The following ERCC6L2 variants were observed in gnomAD, a reference collection of about 807,000 sequenced individuals.
ERCC6L2 encodes the protein ERCC excision repair 6 like 2, also known as DNA excision repair protein ERCC-6-like 2.
In ERCC6L2, 77 loss-of-function variants were observed where a neutral mutation model predicts 132.0. That is an observed-to-expected ratio of 0.58 (90% CI 0.49 to 0.71). ERCC6L2 has a LOEUF of 0.71. ERCC6L2 is among the 30% of genes least tolerant of loss of function. The pLI is 0.00. For synonymous variants in ERCC6L2, 583 were observed against 632.4 expected (o/e 0.92, Z 1.17); for missense variants, 1,542 against 1,837.6 (o/e 0.84, Z 2.94).
intron 17 of ERCC6L2, among the ~76,000 whole-genome samples, chr9:95,998,502 C>T (rs746152905): frequency 6.6e-6 from 1 of 152,176 alleles, no homozygotes; most frequent in Non-Finnish European, 1.5e-5. Context: ...TCTGGATAGG[C>T]CCAATCTAAT....
In ERCC6L2 at chr9:95,978,208, G is replaced by T; in HGVS notation, c.3485G>T (p.Ser1162Ile). 1 of 1,363,126 alleles carries T rather than the reference G, an allele frequency of 7.3e-7. No individual in the cohort carries two copies. Among genetic ancestry groups the T allele is most frequent in the South Asian group, 1.1e-5 (1 of 87,330 alleles). The allele number at this position is 1,363,126 out of a possible 1,614,324, so 84.4% of individuals were successfully genotyped here. Residue 1162 changes from serine to isoleucine, a missense_variant, in exon 17 of 19, where the codon AGT becomes ATT. Ser to Ile is a moderately radical substitution (Grantham distance 142, BLOSUM62 -2). Around this residue, in one of 4 missense-constraint regions of ERCC6L2, gnomAD observed 442 missense variants for 583.4 expected, o/e 0.76. Transcript: ENST00000653738. ...CTGCCTGCTAACATAGCTGTTTGCAGTTCTAAGGTAAGAAAAATATAGGGT... is the reference window on the plus strand; with the variant it reads ...CTGCCTGCTAACATAGCTGTTTGCATTTCTAAGGTAAGAAAAATATAGGGT... Reference protein sequence around the residue: ...SQLPANIAVCSSKTYKEKVDA... With the variant: ...SQLPANIAVCISKTYKEKVDA...
At chr9:95,959,952 A>G (rs1280565030) in intron 13 of ERCC6L2, among the ~76,000 whole-genome samples, 1 of 152,076 alleles carries the variant, frequency 6.6e-6, no homozygotes, top group Non-Finnish European at 1.5e-5. Context: ...AGCAGATACT[A>G]AAAAAGAAGG....
Position 96,012,883 on chromosome 9 carries a change from C to G in ERCC6L2, c.4333C>G (p.Leu1445Val). ...AAGCTTACTTGGTGATACCTCTATT[C>G]TTGATGACCTTTTTAAAAGTCATGG... Reference protein sequence around the residue: ...VISLLGDTSILDDLFKSHGNS... With the variant: ...VISLLGDTSIVDDLFKSHGNS... Residue 1445 changes from leucine to valine, a missense_variant, in exon 19 of 19, where the codon CTT becomes GTT. Leu to Val is a conservative substitution (Grantham distance 32). Around this residue, in one of 4 missense-constraint regions of ERCC6L2, gnomAD observed 442 missense variants for 583.4 expected, o/e 0.76. Coordinates refer to ENST00000653738, the MANE Select transcript of ERCC6L2 (RefSeq NM_020207.7). The G allele has an allele frequency of 7.3e-7, 1 of 1,367,656 alleles. No individual in the cohort carries two copies. The highest frequency in any genetic ancestry group is 9.8e-7 in the Non-Finnish European group (1 of 1,021,852). 84.7% of individuals were successfully genotyped at this position (1,367,656 alleles called of 1,614,324 possible). A position where few individuals can be genotyped will look rare whatever the true frequency, so the allele number is the denominator to read the frequency against.
intron 9 of ERCC6L2, among the ~76,000 whole-genome samples, chr9:95,927,774 T>A (rs1010413270): frequency 1.3e-5 from 2 of 152,192 alleles, no homozygotes; most frequent in African/African-American, 4.8e-5. Context: ...TTTTGGAAAT[T>A]AAATTAATCC....
chr9:95,952,985 G>T (rs571646601), intron 12 of ERCC6L2, among the ~76,000 whole-genome samples: 27 of 152,236 alleles, frequency 1.8e-4, no homozygotes, highest in South Asian at 1.0e-3. Context: ...GCCAGAAAAG[G>T]ACAAAGATTG....
chr9:95,928,612 A>T lies in ERCC6L2; in HGVS notation c.1606-107A>T, dbSNP rs1040123451. On this transcript the variant is annotated intron_variant, in intron 10 of 18. Transcript: ENST00000653738. Reference sequence around the variant, plus strand: ...TATTGTTCTTGGAATTATAAGAAAGAAATTATGAACACCAATAATTAATAC... The same window carrying T: ...TATTGTTCTTGGAATTATAAGAAAGTAATTATGAACACCAATAATTAATAC... 4.0e-6 allele frequency: 4 copies of T among 1,012,172 alleles called. No homozygotes were observed. The African/African-American group carries it at 6.7e-5, about 17-fold the overall frequency. 62.7% of individuals were successfully genotyped at this position (1,012,172 alleles called of 1,614,324 possible).
In ERCC6L2 at chr9:95,972,342, A is replaced by C. The variant is rs1337767665; in HGVS notation, c.2591A>C (p.Tyr864Ser). Residue 864 changes from tyrosine to serine, a missense_variant, in exon 16 of 19, where the codon TAT (tyrosine) becomes TCT (serine). Tyr to Ser is a moderately radical substitution (Grantham distance 144). Around this residue, in one of 4 missense-constraint regions of ERCC6L2, gnomAD observed 945 missense variants for 1,105.2 expected, o/e 0.86. Coordinates refer to ENST00000653738, the MANE Select transcript of ERCC6L2 (RefSeq NM_020207.7). ...AATCCAAAAGAAAAGCATATTTTTT[A>C]TAAAAGTGAGAAGATTTTAGAACAG... is the stretch of plus-strand genomic sequence containing the variant. ...ILNPKEKHIF[Y>S]KSEKILEQNI... 2 of 1,287,878 alleles carry C rather than the reference A, an allele frequency of 1.6e-6. No individual in the cohort carries two copies. The highest frequency in any genetic ancestry group is 2.5e-5 in the Admixed American group (1 of 40,546). The allele number at this position is 1,287,878 out of a possible 1,614,324, so 79.8% of individuals were successfully genotyped here.
At chr9:95,899,957 A>T (rs1406766048) in intron 3 of ERCC6L2, among the ~76,000 whole-genome samples, 1 of 152,218 alleles carries the variant, frequency 6.6e-6, no homozygotes, top group African/African-American at 2.4e-5. Context: ...GAATCCACTG[A>T]TATGAAACCC....
intron 18 of ERCC6L2, among the ~76,000 whole-genome samples, chr9:96,005,789 A>G (rs1833844539): frequency 6.6e-6 from 1 of 152,162 alleles, no homozygotes; most frequent in Non-Finnish European, 1.5e-5. Flanking sequence ...TTTTTAAAAG[A>G]TGGTTCCAGC....
At chr9:95,881,315 G>A (rs1564190230) in intron 2 of ERCC6L2, 22 bp downstream of exon 2, 2 of 1,519,938 alleles carry the variant, frequency 1.3e-6, no homozygotes, top group Non-Finnish European at 1.8e-6. Flanking sequence ...TGTTATAACA[G>A]TAAAGTCACT....
At chr9:95,885,464 T>G (rs1827814719) in intron 2 of ERCC6L2, among the ~76,000 whole-genome samples, 1 of 152,186 alleles carries the variant, frequency 6.6e-6, no homozygotes, top group Admixed American at 6.5e-5. Flanking sequence ...ACTGAAAAAT[T>G]AAAGATACTT....
chr9:96,001,087 G>C (rs1022754310), intron 17 of ERCC6L2, among the ~76,000 whole-genome samples: 1 of 152,092 alleles, frequency 6.6e-6, no homozygotes, highest in African/African-American at 2.4e-5. Context: ...GTCTGGAGTT[G>C]TTCATTCCTC....
intron 11 of ERCC6L2, among the ~76,000 whole-genome samples, chr9:95,936,924 G>C (rs1352376815): frequency 1.3e-5 from 2 of 152,134 alleles, no homozygotes; most frequent in African/African-American, 4.8e-5. Flanking sequence ...GTAATTCCCT[G>C]TAAATTCATC....
At chr9:96,000,248 C>T (rs1375912196) in intron 17 of ERCC6L2, among the ~76,000 whole-genome samples, 1 of 152,070 alleles carries the variant, frequency 6.6e-6, no homozygotes, top group Non-Finnish European at 1.5e-5. Flanking sequence ...TGATATAAAG[C>T]CCTGGTTCAA....
At chr9:95,963,467 C>A (rs4743429) in intron 13 of ERCC6L2, among the ~76,000 whole-genome samples, 45,409 of 151,814 alleles carry the variant, frequency 0.3, 7,070 homozygotes, top group East Asian at 0.39. Flanking sequence ...TACATAAAAA[C>A]CAGTTTTATG....
At chr9:95,968,473 C>T (rs181611790) in intron 14 of ERCC6L2, 80 of 152,260 alleles carry the variant, frequency 5.3e-4, no homozygotes, top group African/African-American at 1.9e-3. Context: ...TAGATTCATG[C>T]TGCTTTGGGC....
At position 95,876,026 on chromosome 9, in the gene ERCC6L2, T is replaced by A. The variant is rs202222262; in HGVS notation, c.-13T>A. 3.9e-4 allele frequency: 620 copies of A among 1,585,246 alleles called. 6 individuals are homozygous for A. The East Asian group carries it at 0.013, about 34-fold the overall frequency. On this transcript the variant is annotated 5_prime_UTR_variant, in exon 1 of 19. Coordinates refer to ENST00000653738, the MANE Select transcript of ERCC6L2 (RefSeq NM_020207.7). ...GTTACATGCAGCCGGGCTCGGCCCC[T>A]CCCCCTGGCCGGATGGATCCGTCGG...
rs1832485471 is a variant in ERCC6L2, at chr9:95,972,869, G to A, written c.3118G>A (p.Asp1040Asn). ...NEDHNSQFID[D>N]YSSSDESLSV... The stretch of plus-strand genomic sequence containing the variant: ...GGATCATAACTCTCAGTTTATTGAT[G>A]ATTATTCATCCTCAGATGAGAGTTT... The change falls in exon 16 of 19, where the codon GAT becomes AAT. Residue 1040 changes from aspartate to asparagine, a missense_variant. Physicochemically the swap from Asp to Asn is conservative, Grantham distance 23 (BLOSUM62 1). Coordinates refer to ENST00000653738, the MANE Select transcript of ERCC6L2 (RefSeq NM_020207.7). 3.8e-6 allele frequency: 5 copies of A among 1,305,100 alleles called. No individual in the cohort carries two copies. The highest frequency in any genetic ancestry group is 1.5e-5 in the African/African-American group (1 of 65,862). The allele number at this position is 1,305,100 out of a possible 1,614,324, so 80.8% of individuals were successfully genotyped here.
chr9:95,960,686 G>A (rs1831859954), intron 13 of ERCC6L2, among the ~76,000 whole-genome samples: 2 of 152,142 alleles, frequency 1.3e-5, no homozygotes, highest in African/African-American at 4.8e-5. Context: ...TTTCAGTTTA[G>A]TGATACTGAT....
Sources: allele counts gnomAD v4.1 joint callset (sites outside exome capture counted in the v4.1 genomes callset), GRCh38; gene constraint gnomAD v4.1.1; regional missense constraint gnomAD v4.1.1; transcripts MANE v1.5; gene names NCBI Gene and HGNC (gene_info 2026-07-23, HGNC 2026-07-21).